The following LRCH3 variants were observed in gnomAD, a reference collection of about 807,000 sequenced individuals.
LRCH3 encodes the protein DISP complex protein LRCH3.
Under a neutral mutation model 104.5 loss-of-function variants are expected in LRCH3, and 68 were observed. That is an observed-to-expected ratio of 0.65 (90% confidence interval 0.54 to 0.80). The LOEUF is 0.80. Ranked by LOEUF, LRCH3 falls within the 30% of genes least tolerant of loss-of-function variation. LRCH3 has a pLI of 0.00. For synonymous variants in LRCH3, 344 were observed against 361.3 expected, an observed-to-expected ratio of 0.95 and a Z score of 0.54; for missense variants, 951 against 953.9, an observed-to-expected ratio of 1.00 and a Z score of 0.04.
chr3:197,874,024 GA>G (rs34903890), intron 19 of LRCH3, among the ~76,000 whole-genome samples: 65,334 of 113,222 alleles, frequency 0.58, 15,349 homozygotes, highest in South Asian at 0.67. Context: ...TGTCTCAAAA[GA>G]AAAAAAAAAA....
chr3:197,836,915 T>C (rs898434190), intron 9 of LRCH3, among the ~76,000 whole-genome samples: 1 of 152,146 alleles, frequency 6.6e-6, no homozygotes, highest in Admixed American at 6.6e-5. Flanking sequence ...TGACCTCGGG[T>C]GATCTGCCCG....
chr3:197,855,328 T>C (rs893932315), intron 14 of LRCH3, among the ~76,000 whole-genome samples: 1 of 152,224 alleles, frequency 6.6e-6, no homozygotes, highest in Non-Finnish European at 1.5e-5. Flanking sequence ...ATCATCACAC[T>C]CTAGAGTTTT....
chr3:197,817,195 T>A lies in LRCH3; in HGVS notation c.427T>A (p.Leu143Met). ...ATTTAGTCGGAACCAACTGTCAACA[T>A]TGCCGGTACACTTGTGTAATTTGCC... ...LNISRNQLST[L>M]PVHLCNLPLK... The change falls in exon 3 of 21, where the codon TTG becomes ATG. Residue 143 changes from leucine to methionine, a missense_variant. Leu to Met is a conservative substitution (Grantham distance 15). Transcript: ENST00000425562. 1.2e-6 allele frequency: 2 copies of A among 1,602,354 alleles called. No individual in the cohort carries two copies. The highest frequency in any genetic ancestry group is 2.7e-5 in the African/African-American group (2 of 74,108).
chr3:197,814,113 A>G (rs77124261), intron 1 of LRCH3, among the ~76,000 whole-genome samples: 2,297 of 152,290 alleles, frequency 0.015, 30 homozygotes, highest in Non-Finnish European at 0.027. Context: ...GCTGCTGATA[A>G]AGACAGACGT....
rs994876730 is a variant in LRCH3, at chr3:197,806,143, C to G, written c.263-8765C>G. Among the ~76,000 whole-genome samples the G allele has an allele frequency of 3.3e-5, 5 of 152,090 alleles. 1 individual carries two copies. Among genetic ancestry groups the G allele is most frequent in the African/African-American group, 1.2e-4 (5 of 41,424 alleles). On this transcript the variant is annotated intron_variant, in intron 1 of 20. Coordinates refer to ENST00000425562, the MANE Select transcript of LRCH3 (RefSeq NM_001365715.1). ...GTTTCTCCATATTGGTCAGGCTGGT[C>G]ATGAACTCCCGACCTCTGGTGATCC...
rs1733635926 is a variant in LRCH3 at position 197,814,945 on chromosome 3, A to G, written c.300A>G (p.Glu100=). The change falls in exon 2 of 21, where the codon GAA becomes GAG. Residue 100 remains glutamate, a synonymous_variant. Transcript: ENST00000425562. ...SRNRLSEIPI[E]ACHFVSLENL... Reference sequence around the variant, plus strand: ...ATCGCCTTTCAGAAATTCCTATAGAAGCATGTCACTTTGTTTCTCTGGAAA... The same window carrying G: ...ATCGCCTTTCAGAAATTCCTATAGAGGCATGTCACTTTGTTTCTCTGGAAA... The G allele has an allele frequency of 2.1e-5, 33 of 1,601,024 alleles. No homozygotes were observed. The highest frequency in any genetic ancestry group is 2.7e-5 in the Non-Finnish European group (32 of 1,175,704).
intron 1 of LRCH3, among the ~76,000 whole-genome samples, chr3:197,792,921 G>A (rs912844935): frequency 6.6e-6 from 1 of 151,826 alleles, no homozygotes; most frequent in African/African-American, 2.4e-5. Flanking sequence ...CAAAGTGCTG[G>A]GATTACAGGC....
chr3:197,802,822 G>A (rs942089957), intron 1 of LRCH3, among the ~76,000 whole-genome samples: 7 of 152,218 alleles, frequency 4.6e-5, no homozygotes, highest in African/African-American at 1.7e-4. Flanking sequence ...ATGATAAAGC[G>A]AAAAGAAGTG....
intron 1 of LRCH3, among the ~76,000 whole-genome samples, chr3:197,804,693 G>A (rs1430322549): frequency 6.6e-6 from 1 of 152,156 alleles, no homozygotes; most frequent in Non-Finnish European, 1.5e-5. Flanking sequence ...TGAAGACAAT[G>A]TTTAGTAACA....
chr3:197,793,687 GT>G (rs760344447), intron 1 of LRCH3, among the ~76,000 whole-genome samples: 1 of 152,164 alleles, frequency 6.6e-6, no homozygotes, highest in Non-Finnish European at 1.5e-5. Flanking sequence ...TGTGCTCTGA[GT>G]TTTTAAGTAT....
chr3:197,881,973 CT>C, intron 20 of LRCH3: 1 of 985,406 alleles, frequency 1.0e-6, no homozygotes, highest in Non-Finnish European at 1.2e-6. Context: ...ATGATGAAAA[CT>C]TCAGTTTTCT....
intron 19 of LRCH3, 87 bp downstream of exon 19, chr3:197,871,549 A>G: frequency 6.5e-7 from 1 of 1,550,322 alleles, no homozygotes; most frequent in Non-Finnish European, 8.8e-7. Context: ...ATTGTGCTAG[A>G]TATTAAGGAT....
chr3:197,869,703 T>G (rs1382305785), intron 17 of LRCH3, among the ~76,000 whole-genome samples: 2 of 132,576 alleles, frequency 1.5e-5, no homozygotes, highest in Admixed American at 7.1e-5. Flanking sequence ...TAGAAAGCGA[T>G]GCACTGTACC....
intron 1 of LRCH3, among the ~76,000 whole-genome samples, chr3:197,813,821 G>A (rs1476350497): frequency 1.3e-5 from 2 of 152,038 alleles, no homozygotes; most frequent in Non-Finnish European, 2.9e-5. Context: ...GTGAGCCACC[G>A]CGCCTGGCCT....
intron 12 of LRCH3, among the ~76,000 whole-genome samples, chr3:197,852,146 G>T (rs185503522): frequency 6.6e-6 from 1 of 152,310 alleles, no homozygotes; most frequent in East Asian, 1.9e-4. Flanking sequence ...ATCACACGTT[G>T]GAGAAAATAG....
chr3:197,806,358 C>T (rs1732484048), intron 1 of LRCH3, among the ~76,000 whole-genome samples: 1 of 152,022 alleles, frequency 6.6e-6, no homozygotes, highest in Non-Finnish European at 1.5e-5. Flanking sequence ...AACTCCTGAG[C>T]TCAAATGATC....
chr3:197,871,744 C>T (rs899216232), intron 19 of LRCH3, among the ~76,000 whole-genome samples: 6 of 152,164 alleles, frequency 3.9e-5, no homozygotes, highest in African/African-American at 1.4e-4. Flanking sequence ...CTTCCCAGAA[C>T]GGGCAAAATT....
chr3:197,871,572 A>T, intron 19 of LRCH3, 110 bp downstream of exon 19: 1 of 1,435,364 alleles, frequency 7.0e-7, no homozygotes, highest in Non-Finnish European at 9.5e-7. Context: ...AGATATAAAG[A>T]GTCCAGTCTC....
At chr3:197,813,509 A>ATTT (rs1733434522) in intron 1 of LRCH3, among the ~76,000 whole-genome samples, 1 of 94,072 alleles carries the variant, frequency 1.1e-5, no homozygotes, top group African/African-American at 3.9e-5. Context: ...GGAGGCATAT[A>ATTT]ATTTTTTTTT....
Sources: gnomAD v4.1 joint callset for allele counts (sites outside exome capture counted in the v4.1 genomes callset) on GRCh38, gnomAD v4.1.1 for gene constraint, MANE v1.5 for transcripts, NCBI Gene and HGNC (gene_info 2026-07-23, HGNC 2026-07-21) for gene names.